Variants in LNX2 observed in about 807,000 individuals in gnomAD.
The protein encoded by LNX2 is ligand of Numb protein X 2.
In LNX2, 35 loss-of-function variants were observed where a neutral mutation model predicts 66.2. The ratio of observed to expected loss-of-function variants is 0.53; its 90% CI spans 0.40 to 0.70. The LOEUF is 0.70. LNX2 is among the 30% of genes least tolerant of loss of function. LNX2 has a pLI of 0.00. For synonymous variants in LNX2, 337 were observed against 315.6 expected (o/e 1.07, Z -0.72); for missense variants, 791 against 850.8 (o/e 0.93, Z 0.87).
chr13:27,546,247 T>C lies in LNX2; in HGVS notation c.*2088A>G, dbSNP rs1954936451. ...CCAGGTTCAATGTAAGTATTTTGTA[T>C]ATAACAAAGTAGCAGTCAGGATATT... On this transcript the variant is annotated 3_prime_UTR_variant, in exon 10 of 10. Transcript: ENST00000316334. 1 of 152,362 alleles carries C rather than the reference T, an allele frequency of 6.6e-6. No individual in the cohort carries two copies. Among genetic ancestry groups the C allele is most frequent in the East Asian group, 1.9e-4 (1 of 5,194 alleles). 9.4% of individuals were successfully genotyped at this position (152,362 alleles called of 1,614,324 possible).
chr13:27,585,050 G>A (rs1036252886), intron 1 of LNX2, among the ~76,000 whole-genome samples: 3 of 151,490 alleles, frequency 2.0e-5, no homozygotes, highest in Non-Finnish European at 2.9e-5. Context: ...CCTAGGAGGC[G>A]GCAGAGGTTA....
intron 1 of LNX2, among the ~76,000 whole-genome samples, chr13:27,590,443 C>T (rs942346): frequency 0.48 from 72,971 of 151,482 alleles, 18,797 homozygotes; most frequent in African/African-American, 0.68. Flanking sequence ...GGTCTCGAAC[C>T]CCTGACCTCA....
At position 27,579,441 on chromosome 13, in the gene LNX2, T is replaced by C. The variant is rs73446860; in HGVS notation, c.407+1856A>G. Among the ~76,000 whole-genome samples the C allele has an allele frequency of 6.7e-3, 1,023 of 152,290 alleles. 13 individuals carry two copies. The highest frequency in any genetic ancestry group is 0.024 in the African/African-American group (977 of 41,550). ...TAAGATACTTTAGAAATGATAAAATTGGTTACTTCAATACTAATAAGCACA... is the reference window on the plus strand; with the variant it reads ...TAAGATACTTTAGAAATGATAAAATCGGTTACTTCAATACTAATAAGCACA... On this transcript the variant is annotated intron_variant, in intron 2 of 9. Coordinates refer to ENST00000316334, the MANE Select transcript of LNX2 (RefSeq NM_153371.4).
intron 2 of LNX2, among the ~76,000 whole-genome samples, chr13:27,571,849 T>C (rs374999947): frequency 1.4e-4 from 22 of 152,272 alleles, no homozygotes; most frequent in African/African-American, 5.3e-4. Context: ...AACTCAACAT[T>C]TGTGGAGTGC....
Position 27,556,299 on chromosome 13 carries a change from G to A in LNX2, c.1483C>T (p.Pro495Ser). Residue 495 changes from proline to serine, a missense_variant, in exon 7 of 10, where the codon CCC becomes TCC. Pro to Ser is a moderately conservative substitution (Grantham distance 74). Coordinates refer to ENST00000316334, the MANE Select transcript of LNX2 (RefSeq NM_153371.4). ...GGRGSKSGEL[P>S]IFVTSVPPHG... is the part of the protein sequence containing the mutation. ...GGTGGCACACTGGTCACAAAGATGG[G>A]CAGCTCACCACTCTTACTTCCCCTG... 6.2e-7 allele frequency: 1 copy of A among 1,613,924 alleles called. No homozygotes were observed. Among genetic ancestry groups the A allele is most frequent in the Non-Finnish European group, 8.5e-7 (1 of 1,179,950 alleles).
At position 27,581,594 on chromosome 13, in the gene LNX2, A is replaced by C. The variant is rs201564002; in HGVS notation, c.110T>G (p.Leu37Trp). 2.2e-5 allele frequency: 36 copies of C among 1,614,074 alleles called. No homozygotes were observed. The highest frequency in any genetic ancestry group is 2.9e-5 in the Non-Finnish European group (34 of 1,180,046). Residue 37 changes from leucine (L) to tryptophan (W), a missense_variant, in exon 2 of 10, where the codon TTG becomes TGG. Coordinates refer to ENST00000316334, the MANE Select transcript of LNX2 (RefSeq NM_153371.4). ...GQQHWTRENH[L>W]YNYQNEVDDD... ...ATCCACTTCATTCTGGTAATTGTAC[A>C]AATGGTTTTCTCTTGTCCAGTGCTG...
At chr13:27,619,217 C>G (rs779133790) in intron 1 of LNX2, among the ~76,000 whole-genome samples, 16 of 150,640 alleles carry the variant, frequency 1.1e-4, no homozygotes, top group Non-Finnish European at 1.5e-4. Flanking sequence ...GGGACTCGGA[C>G]AAGCTAAAAA....
At chr13:27,589,785 A>C (rs1955528564) in intron 1 of LNX2, among the ~76,000 whole-genome samples, 2 of 152,364 alleles carry the variant, frequency 1.3e-5, no homozygotes, top group South Asian at 4.1e-4. Context: ...TCAAAAAGGA[A>C]ATATATTAAA....
intron 1 of LNX2, among the ~76,000 whole-genome samples, chr13:27,585,456 A>G (rs67715529): frequency 0.11 from 16,395 of 151,460 alleles, 1,085 homozygotes; most frequent in Non-Finnish European, 0.14. Context: ...AAATAAATAT[A>G]TAAAAATAAT....
In LNX2 at chr13:27,548,283, T is replaced by C; in HGVS notation, c.*52A>G. On this transcript the variant is annotated 3_prime_UTR_variant, in exon 10 of 10. Transcript: ENST00000316334. ...AACACAATGAAACCAAAGGGTTTTC[T>C]TTCAAAAATCTAAAAAAGGAAGATG... is the stretch of plus-strand genomic sequence containing the variant. 1.9e-6 allele frequency: 3 copies of C among 1,579,306 alleles called. No individual in the cohort carries two copies. The highest frequency in any genetic ancestry group is 2.6e-6 in the Non-Finnish European group (3 of 1,157,996).
chr13:27,612,008 A>C, intron 1 of LNX2, among the ~76,000 whole-genome samples: 1 of 152,214 alleles, frequency 6.6e-6, no homozygotes, highest in East Asian at 1.9e-4. Context: ...CTCCTGAAGG[A>C]GACTTGAAGA....
At chr13:27,589,959 T>C (rs1267351298) in intron 1 of LNX2, among the ~76,000 whole-genome samples, 1 of 152,202 alleles carries the variant, frequency 6.6e-6, no homozygotes, top group Non-Finnish European at 1.5e-5. Context: ...GGGCAATTTT[T>C]ATTTTTTTGA....
chr13:27,561,752 C>G (rs1424999388), intron 5 of LNX2, among the ~76,000 whole-genome samples: 1 of 152,020 alleles, frequency 6.6e-6, no homozygotes, highest in Non-Finnish European at 1.5e-5. Context: ...TTTGTTGCAC[C>G]CTTATCACTG....
chr13:27,571,793 A>G (rs1238258439), intron 2 of LNX2, among the ~76,000 whole-genome samples: 1 of 152,222 alleles, frequency 6.6e-6, no homozygotes, highest in African/African-American at 2.4e-5. Context: ...GCTCAGAGCC[A>G]TCATCCCTCA....
Position 27,556,298 on chromosome 13 carries a change from G to T in LNX2, c.1484C>A (p.Pro495His). 1 of 1,613,920 alleles carries T rather than the reference G, an allele frequency of 6.2e-7. No individual in the cohort carries two copies. Among genetic ancestry groups the T allele is most frequent in the Non-Finnish European group, 8.5e-7 (1 of 1,179,950 alleles). The change falls in exon 7 of 10, where the codon CCC becomes CAC. Residue 495 changes from proline (P) to histidine (H), a missense_variant. Transcript: ENST00000316334. Reference protein sequence around the residue: ...GGRGSKSGELPIFVTSVPPHG... With the variant: ...GGRGSKSGELHIFVTSVPPHG... Reference sequence around the variant, plus strand: ...GGGTGGCACACTGGTCACAAAGATGGGCAGCTCACCACTCTTACTTCCCCT... The same window carrying T: ...GGGTGGCACACTGGTCACAAAGATGTGCAGCTCACCACTCTTACTTCCCCT...
chr13:27,564,800 G>A (rs1419275127), intron 4 of LNX2, among the ~76,000 whole-genome samples: 1 of 152,040 alleles, frequency 6.6e-6, no homozygotes, highest in African/African-American at 2.4e-5. Context: ...TATTTATTTA[G>A]CTTATACAAA....
At chr13:27,556,694 T>C (rs920455994) in intron 6 of LNX2, among the ~76,000 whole-genome samples, 3 of 151,990 alleles carry the variant, frequency 2.0e-5, no homozygotes, top group Admixed American at 6.5e-5. Flanking sequence ...TTTGTATAAT[T>C]TGTTTGAGCT....
chr13:27,581,393 T>C lies in LNX2; in HGVS notation c.311A>G (p.His104Arg). Residue 104 changes from histidine to arginine, a missense_variant, in exon 2 of 10, where the codon CAT becomes CGT. Coordinates refer to ENST00000316334, the MANE Select transcript of LNX2 (RefSeq NM_153371.4). Reference sequence around the variant, plus strand: ...AACTAATAATTTGTCTAGGAGTTTATGAACTAGAATACTAGACTTCTTGCA... The same window carrying C: ...AACTAATAATTTGTCTAGGAGTTTACGAACTAGAATACTAGACTTCTTGCA... The part of the protein sequence containing the change: ...KLCKKSSILV[H>R]KLLDKLLVLC... 1 of 1,598,330 alleles carries C rather than the reference T, an allele frequency of 6.3e-7. No individual in the cohort carries two copies. The highest frequency in any genetic ancestry group is 8.6e-7 in the Non-Finnish European group (1 of 1,168,952).
In LNX2 at chr13:27,581,608, T is replaced by C; in HGVS notation, c.96A>G (p.Thr32=). The change falls in exon 2 of 10, where the codon ACA becomes ACG. Residue 32 remains threonine (T), a synonymous_variant. Transcript: ENST00000316334. ...LCFECGQQHW[T]RENHLYNYQN... is the part of the protein sequence containing the mutation. ...GGTAATTGTACAAATGGTTTTCTCT[T>C]GTCCAGTGCTGTTGGCCACATTCAA... is the stretch of plus-strand genomic sequence containing the variant. The C allele has an allele frequency of 6.2e-7, 1 of 1,614,188 alleles. No homozygotes were observed. The highest frequency in any genetic ancestry group is 2.2e-5 in the East Asian group (1 of 44,882).
Sources: gnomAD v4.1 joint callset for allele counts (sites outside exome capture counted in the v4.1 genomes callset) on GRCh38, gnomAD v4.1.1 for gene constraint, MANE v1.5 for transcripts, NCBI Gene and HGNC (gene_info 2026-07-23, HGNC 2026-07-21) for gene names.